PAK4: variants seen among roughly 807,000 people sequenced by gnomAD.
PAK4 encodes the protein p21 (RAC1) activated kinase 4, also known as serine/threonine-protein kinase PAK 4.
A neutral mutation model predicts 53.5 loss-of-function variants in PAK4; 49 were observed. The ratio of observed to expected loss-of-function variants is 0.92; its 90% CI spans 0.73 to 1.16. PAK4 has a LOEUF of 1.16. Ranked by LOEUF, PAK4 falls within the 50% of genes most tolerant of loss-of-function variation. The probability of loss-of-function intolerance (pLI) is 0.00; values close to 1 mark genes in which losing one functional copy is unlikely to be tolerated. For synonymous variants in PAK4, 376 were observed against 375.6 expected (o/e 1.00, Z -0.01); for missense variants, 824 against 850.7 (o/e 0.97, Z 0.39).
At chr19:39,174,617 C>G (rs73551779) in intron 4 of PAK4, among the ~76,000 whole-genome samples, 9,509 of 152,080 alleles carry the variant, frequency 0.063, 779 homozygotes, top group African/African-American at 0.19. Flanking sequence ...CACGCCTCTT[C>G]TCTCATCCTT....
In PAK4 at chr19:39,173,391, G is replaced by A. The variant is rs571464015; in HGVS notation, c.663+15G>A. The A allele has an allele frequency of 2.3e-4, 349 of 1,488,844 alleles. No homozygotes were observed. Among genetic ancestry groups the A allele is most frequent in the Non-Finnish European group, 2.8e-4 (314 of 1,115,450 alleles). 92.2% of individuals were successfully genotyped at this position (1,488,844 alleles called of 1,614,324 possible). ...GGGGTGCCCAGGTAACCCATCCCCC[G>A]CCCCAGGGCCCCCACTGTCCCCTGC... On this transcript the variant is annotated intron_variant, in intron 3 of 8. Coordinates refer to ENST00000358301, the Ensembl canonical transcript of PAK4. The surrounding 1 kb of genome is among the most constrained non-coding windows in gnomAD (Gnocchi z 6.9).
At position 39,175,164 on chromosome 19, in the gene PAK4, C is replaced by T; in HGVS notation, c.1232+100C>T. The T allele has an allele frequency of 1.3e-6, 2 of 1,511,788 alleles. No homozygotes were observed. Among genetic ancestry groups the T allele is most frequent in the South Asian group, 1.3e-5 (1 of 79,848 alleles). The allele number at this position is 1,511,788 out of a possible 1,614,324, so 93.6% of individuals were successfully genotyped here. A position where few individuals can be genotyped will look rare whatever the true frequency, so the allele number is the denominator to read the frequency against. On this transcript the variant is annotated intron_variant, in intron 5 of 8. Coordinates refer to ENST00000358301, the Ensembl canonical transcript of PAK4. The surrounding 1 kb of genome is among the most constrained non-coding windows in gnomAD (Gnocchi z 4.7). ...TCCAAACCAGCTGTGCTCCGGGCCCCTGGGATGGGGTCGTGTCTTCCATTC... is the reference window on the plus strand; with the variant it reads ...TCCAAACCAGCTGTGCTCCGGGCCCTTGGGATGGGGTCGTGTCTTCCATTC...
chr19:39,170,360 T>G (rs550555987), intron 2 of PAK4, among the ~76,000 whole-genome samples: 4 of 145,832 alleles, frequency 2.7e-5, no homozygotes, highest in Non-Finnish European at 1.5e-5. Flanking sequence ...TGGTTTTGGG[T>G]TTTTTTTTTT....
Position 39,167,632 on chromosome 19 carries a change from C to T in PAK4, c.-22-1900C>T, listed in dbSNP as rs924230692. Among the ~76,000 whole-genome samples, 5 of 152,300 alleles carry T rather than the reference C, an allele frequency of 3.3e-5. No individual in the cohort carries two copies. The East Asian group carries it at 9.7e-4, about 29-fold the overall frequency. ...AGCCTTGGCCAGGCCCGGCTCTGAC[C>T]ACCCGCTGGCCTCTTGGGACCAGCT... On this transcript the variant is annotated intron_variant, in intron 1 of 8. Coordinates refer to ENST00000358301, the Ensembl canonical transcript of PAK4.
downstream of PAK4, chr19:39,181,781 C>T (rs896556678): frequency 8.5e-5 from 13 of 152,308 alleles, no homozygotes; most frequent in African/African-American, 2.4e-4. Flanking sequence ...GAATGACTCT[C>T]GACAGGTGCC....
intron 1 of PAK4, among the ~76,000 whole-genome samples, chr19:39,169,318 G>A (rs1241509535): frequency 6.6e-6 from 1 of 152,100 alleles, no homozygotes; most frequent in East Asian, 1.9e-4. Context: ...GGAAAGTTCT[G>A]AGCAGAGGGA....
chr19:39,128,254 G>A (rs912624840), intron 1 of PAK4, among the ~76,000 whole-genome samples: 1 of 152,210 alleles, frequency 6.6e-6, no homozygotes, highest in African/African-American at 2.4e-5. Context: ...TAGTTGCTGT[G>A]TAAGCATTAG....
At chr19:39,144,113 TAGATAGAC>T (rs1480079999) in intron 1 of PAK4, among the ~76,000 whole-genome samples, 65 of 102,536 alleles carry the variant, frequency 6.3e-4, no homozygotes, top group African/African-American at 1.8e-3. Flanking sequence ...GATAGATAGA[TAGATAGAC>T]AGACAGACAG....
chr19:39,156,580 C>CCCAGGCCCACCCACCCCAGCT (rs2074185882), intron 1 of PAK4: 4 of 145,484 alleles, frequency 2.7e-5, no homozygotes, highest in South Asian at 2.4e-4. Flanking sequence ...AGCCACGTGG[C>CCCAGGCCCACCCACCCCAGCT]CCAGGCCCAC....
intron 1 of PAK4, 135 bp from the exon 3 acceptor site, chr19:39,169,397 G>T: frequency 1.5e-6 from 1 of 670,444 alleles, no homozygotes. Context: ...CAGGGGGTGG[G>T]CAGGGAGACC....
intron 1 of PAK4, among the ~76,000 whole-genome samples, chr19:39,164,114 T>C (rs564578228): frequency 3.2e-4 from 48 of 151,870 alleles, no homozygotes; most frequent in African/African-American, 1.0e-3. Flanking sequence ...CCATCTCTAC[T>C]AAGAATACAT....
chr19:39,158,883 G>A (rs940983566), intron 1 of PAK4, among the ~76,000 whole-genome samples: 9 of 152,140 alleles, frequency 5.9e-5, no homozygotes, highest in Non-Finnish European at 1.2e-4. Flanking sequence ...ATATTTGCTC[G>A]GCAGAAGGGA....
chr19:39,174,000 T>C lies in PAK4; in HGVS notation c.1088T>C (p.Leu363Pro). 6.3e-7 allele frequency: 1 copy of C among 1,593,882 alleles called. No homozygotes were observed. The highest frequency in any genetic ancestry group is 8.5e-7 in the Non-Finnish European group (1 of 1,173,000). Reference sequence around the variant, plus strand: ...CGCAAGCAGCAGAGGCGCGAGCTGCTCTTCAACGAGGTGCGGGCGCTGCTG... The same window carrying C: ...CGCAAGCAGCAGAGGCGCGAGCTGCCCTTCAACGAGGTGCGGGCGCTGCTG... The change falls in exon 4 of 9, where the codon CTC (leucine) becomes CCC (proline). Residue 363 changes from leucine to proline, a missense_variant. This residue lies in a region of PAK4 where 346 missense variants were observed against 415.0 expected (regional missense o/e 0.83). Transcript: ENST00000358301. The surrounding 1 kb of genome is among the most constrained non-coding windows in gnomAD (Gnocchi z 6.9).
chr19:39,140,686 G>A (rs563707864), intron 1 of PAK4, among the ~76,000 whole-genome samples: 1 of 152,140 alleles, frequency 6.6e-6, no homozygotes, highest in Admixed American at 6.5e-5. Flanking sequence ...AGGGATGAGG[G>A]CTCCCCTTGC....
Position 39,141,237 on chromosome 19 carries a change from C to T in PAK4, c.-23+15318C>T, listed in dbSNP as rs531436054. Among the ~76,000 whole-genome samples the T allele has an allele frequency of 1.0e-3, 155 of 152,274 alleles. 3 individuals are homozygous for T. The South Asian group carries it at 0.03, about 29-fold the overall frequency. ...TGCTTATTTCAGAGCAAATCCCAAA[C>T]GTCGTACAGCCAGAAATATTCCACA... On this transcript the variant is annotated intron_variant, in intron 1 of 8. Coordinates refer to ENST00000358301, the Ensembl canonical transcript of PAK4.
chr19:39,135,997 C>T (rs891365495), intron 1 of PAK4, among the ~76,000 whole-genome samples: 13 of 146,608 alleles, frequency 8.9e-5, no homozygotes, highest in African/African-American at 2.3e-4. Flanking sequence ...TCCCCTTCCT[C>T]GTCATCCCCC....
chr19:39,173,604 G>A lies in PAK4; in HGVS notation c.692G>A (p.Gly231Glu). 6.5e-7 allele frequency: 1 copy of A among 1,530,452 alleles called. No homozygotes were observed. Among genetic ancestry groups the A allele is most frequent in the Non-Finnish European group, 8.8e-7 (1 of 1,141,454 alleles). The allele number at this position is 1,530,452 out of a possible 1,614,324, so 94.8% of individuals were successfully genotyped here. A position where few individuals can be genotyped will look rare whatever the true frequency, so the allele number is the denominator to read the frequency against. ...GAGCCTCATGACGTGGCCCCTAACG[G>A]GCCATCAGCGGGGGGCCTGGCCATC... The change falls in exon 4 of 9, where the codon GGG becomes GAG. Residue 231 changes from glycine (G) to glutamate (E), a missense_variant. Coordinates refer to ENST00000358301, the Ensembl canonical transcript of PAK4. The surrounding 1 kb of genome is among the most constrained non-coding windows in gnomAD (Gnocchi z 6.9).
At chr19:39,137,687 G>A (rs968908775) in intron 1 of PAK4, among the ~76,000 whole-genome samples, 2 of 148,066 alleles carry the variant, frequency 1.4e-5, no homozygotes, top group African/African-American at 5.0e-5. Context: ...TTTTTTTTGA[G>A]ACAGAGTCTC....
chr19:39,134,888 A>C (rs1304113448), intron 1 of PAK4: 1 of 152,252 alleles, frequency 6.6e-6, no homozygotes. Flanking sequence ...TACAGGCGTG[A>C]GCCACTGTGC....
Sources: allele counts gnomAD v4.1 joint callset (sites outside exome capture counted in the v4.1 genomes callset), GRCh38; gene constraint gnomAD v4.1.1; regional missense constraint gnomAD v4.1.1; non-coding constraint Gnocchi (gnomAD v3.1); transcripts MANE v1.5; gene names NCBI Gene and HGNC (gene_info 2026-07-23, HGNC 2026-07-21).